The following ANKLE2 variants were observed in gnomAD, a reference collection of about 807,000 sequenced individuals.
ANKLE2 encodes ankyrin repeat and LEM domain-containing protein 2.
A neutral mutation model predicts 84.2 loss-of-function variants in ANKLE2; 55 were observed. The observed-to-expected ratio is 0.65, with a 90% CI of 0.53 to 0.82. The LOEUF is 0.82. Among genes scored for constraint, ANKLE2 ranks in the 40% least tolerant of loss-of-function variants. The pLI is 0.00. For synonymous variants in ANKLE2, 551 were observed against 486.1 expected (o/e 1.13, Z -1.76); for missense variants, 1,238 against 1,201.9 (o/e 1.03, Z -0.44).
At chr12:132,732,671 C>T (rs112664444) in intron 10 of ANKLE2, among the ~76,000 whole-genome samples, 12 of 96,712 alleles carry the variant, frequency 1.2e-4, no homozygotes, top group African/African-American at 1.1e-4. Flanking sequence ...TGATACGCAC[C>T]GTGTGAAGCT....
At chr12:132,750,436 G>A (rs1399204569) in intron 3 of ANKLE2, among the ~76,000 whole-genome samples, 1 of 152,040 alleles carries the variant, frequency 6.6e-6, no homozygotes, top group African/African-American at 2.4e-5. Context: ...ACAGATGGAA[G>A]CGGCCACAGC....
intron 10 of ANKLE2, chr12:132,730,567 A>G: frequency 2.6e-6 from 1 of 390,522 alleles, no homozygotes; most frequent in Non-Finnish European, 4.7e-6. Context: ...TCACGCCTGC[A>G]ATCCCAGCAC....
rs774240785 is a variant in ANKLE2 at position 132,727,280 on chromosome 12, G to A, written c.2779C>T (p.Arg927Cys). 58 of 1,566,872 alleles carry A rather than the reference G, an allele frequency of 3.7e-5. No individual in the cohort carries two copies. The East Asian group carries it at 6.2e-4, about 17-fold the overall frequency. The change falls in exon 13 of 13, where the codon CGC becomes TGC. Residue 927 changes from arginine (R) to cysteine (C), a missense_variant. This residue lies in a region of ANKLE2 where 802 missense variants were observed against 774.5 expected (regional missense o/e 1.04). Transcript: ENST00000357997. ...RYSPVHGSQL[R>C]RMARLAELAA... ...AGCTCAGCCAGGCGCGCCATCCTGC[G>A]GAGCTGGCTCCCGTGCACGGGGCTG... is the stretch of plus-strand genomic sequence containing the variant.
chr12:132,749,301 A>G (rs539219995), intron 3 of ANKLE2, among the ~76,000 whole-genome samples: 41 of 151,944 alleles, frequency 2.7e-4, no homozygotes, highest in Middle Eastern at 3.4e-3. Flanking sequence ...GATTACAGGC[A>G]CCTGCCACCA....
At chr12:132,736,581 C>T (rs773935004) in intron 8 of ANKLE2, among the ~76,000 whole-genome samples, 13 of 152,082 alleles carry the variant, frequency 8.5e-5, no homozygotes, top group Non-Finnish European at 1.2e-4. Context: ...GTGCCTAGGA[C>T]GGGCCATCAA....
rs576559658 is a variant in ANKLE2 at position 132,727,255 on chromosome 12, A to C, written c.2804T>G (p.Leu935Arg). The C allele has an allele frequency of 6.5e-5, 102 of 1,558,458 alleles. No individual in the cohort carries two copies. In the South Asian group the frequency reaches 1.1e-3, roughly 17 times the overall value. The change falls in exon 13 of 13, where the codon CTT (leucine) becomes CGT (arginine). Residue 935 changes from leucine to arginine, a missense_variant. By Grantham distance (102) the Leu-to-Arg change is moderately radical (BLOSUM62 -2). Coordinates refer to ENST00000357997, the MANE Select transcript of ANKLE2 (RefSeq NM_015114.3). ...QLRRMARLAE[L>R]AAL ...CCAGCGCCAAGCCTACAGGGCGGCAAGCTCAGCCAGGCGCGCCATCCTGCG... is the reference window on the plus strand; with the variant it reads ...CCAGCGCCAAGCCTACAGGGCGGCACGCTCAGCCAGGCGCGCCATCCTGCG...
rs2044632083 is a variant in ANKLE2, at chr12:132,761,771, C to T, written c.28G>A (p.Glu10Lys). 8.5e-7 allele frequency: 1 copy of T among 1,172,550 alleles called. No individual in the cohort carries two copies. Among genetic ancestry groups the T allele is most frequent in the Non-Finnish European group, 1.1e-6 (1 of 951,324 alleles). 72.6% of individuals were successfully genotyped at this position (1,172,550 alleles called of 1,614,324 possible). A position where few individuals can be genotyped will look rare whatever the true frequency, so the allele number is the denominator to read the frequency against. Residue 10 changes from glutamate to lysine, a missense_variant, in exon 1 of 13, where the codon GAG (glutamate) becomes AAG (lysine). Glu to Lys is a moderately conservative substitution (Grantham distance 56). Transcript: ENST00000357997. The stretch of plus-strand genomic sequence containing the variant: ...AGCTCCCAGGCCAGCGCCGCCCACT[C>T]GGCCGCCGCCAGCCGCGGCCACAGC... MLWPRLAAA[E>K]WAALAWELLG...
Position 132,748,219 on chromosome 12 carries a change from TCC to T in ANKLE2, c.958_959del (p.Gly320ArgfsTer7), listed in dbSNP as rs1203341024. 2.5e-6 allele frequency: 4 copies of T among 1,614,030 alleles called. No individual in the cohort carries two copies. Among genetic ancestry groups the T allele is most frequent in the Non-Finnish European group, 2.5e-6 (3 of 1,180,042 alleles). On this transcript the variant is annotated frameshift_variant, in exon 4 of 13. Coordinates refer to ENST00000357997, the MANE Select transcript of ANKLE2 (RefSeq NM_015114.3). LOFTEE classifies it high-confidence loss of function. ...TAAGGTCAGAAAAGGTGTCCTCCTC[TCC>T]CTTCTCCACAGCTTTCCGAAGCTTG... is the stretch of plus-strand genomic sequence containing the variant. The part of the protein sequence containing the change: ...TAKLRKAVEK[G>X]EEDTFSDLIW...
In ANKLE2 at chr12:132,754,746, G is replaced by A. The variant is rs373393599; in HGVS notation, c.569C>T (p.Ala190Val). 56 of 1,613,992 alleles carry A rather than the reference G, an allele frequency of 3.5e-5. No homozygotes were observed. The highest frequency in any genetic ancestry group is 4.1e-5 in the Non-Finnish European group (48 of 1,180,032). The change falls in exon 2 of 13, where the codon GCG (alanine) becomes GTG (valine). Residue 190 changes from alanine (A) to valine (V), a missense_variant. By Grantham distance (64) the Ala-to-Val change is moderately conservative. Coordinates refer to ENST00000357997, the MANE Select transcript of ANKLE2 (RefSeq NM_015114.3). Reference sequence around the variant, plus strand: ...CAGGGGCGGCTCCTTAGACGCAGTCGCTCCAGCTCTGTAGGTGTCGGTGTC... The same window carrying A: ...CAGGGGCGGCTCCTTAGACGCAGTCACTCCAGCTCTGTAGGTGTCGGTGTC... ...PSDTDTYRAGATASKEPPLYY... is the reference protein window; with the variant it reads ...PSDTDTYRAGVTASKEPPLYY...
At chr12:132,735,878 C>CA (rs1404100266) in intron 8 of ANKLE2, among the ~76,000 whole-genome samples, 1 of 152,242 alleles carries the variant, frequency 6.6e-6, no homozygotes, top group African/African-American at 2.4e-5. Context: ...AGATCTTTCT[C>CA]AGTCACTCTC....
At chr12:132,754,184 G>A (rs1422288306) in intron 2 of ANKLE2, among the ~76,000 whole-genome samples, 2 of 152,244 alleles carry the variant, frequency 1.3e-5, no homozygotes, top group Non-Finnish European at 1.5e-5. Flanking sequence ...AGAGGTTGCA[G>A]TGAGCTGAGA....
At chr12:132,746,416 A>G (rs567271953) in intron 5 of ANKLE2, among the ~76,000 whole-genome samples, 19 of 151,620 alleles carry the variant, frequency 1.3e-4, no homozygotes, top group African/African-American at 2.7e-4. Flanking sequence ...AGTCCTACGC[A>G]TAAGTGGCAT....
At chr12:132,732,934 C>T (rs2043913861) in intron 10 of ANKLE2, among the ~76,000 whole-genome samples, 1 of 144,050 alleles carries the variant, frequency 6.9e-6, no homozygotes, top group African/African-American at 2.8e-5. Flanking sequence ...GTCTGATATG[C>T]ACCGTGTGAA....
At chr12:132,740,086 T>G (rs756730694) in intron 7 of ANKLE2, among the ~76,000 whole-genome samples, 4 of 152,238 alleles carry the variant, frequency 2.6e-5, no homozygotes, top group Non-Finnish European at 4.4e-5. Context: ...ACAGTGTGGT[T>G]TGAAAATCCG....
At chr12:132,742,584 C>G (rs1294698269) in intron 6 of ANKLE2, 1 of 152,288 alleles carries the variant, frequency 6.6e-6, no homozygotes, top group Non-Finnish European at 1.5e-5. Flanking sequence ...CATGACGAGG[C>G]CTGACTGAAG....
intron 1 of ANKLE2, chr12:132,758,229 A>T (rs1208029401): frequency 6.6e-6 from 1 of 152,066 alleles, no homozygotes; most frequent in Admixed American, 6.6e-5. Flanking sequence ...GGCCAACATG[A>T]TGAAACCAGG....
intron 8 of ANKLE2, among the ~76,000 whole-genome samples, chr12:132,735,805 G>A (rs956686552): frequency 6.6e-6 from 1 of 152,202 alleles, no homozygotes; most frequent in African/African-American, 2.4e-5. Context: ...GAGGACAGTG[G>A]ACGGCTCGGA....
intron 1 of ANKLE2, 112 bp from the exon 2 acceptor site, chr12:132,755,245 T>A: frequency 1.8e-6 from 2 of 1,129,622 alleles, no homozygotes; most frequent in Non-Finnish European, 2.5e-6. Context: ...TTTCTTTCAT[T>A]AAAAACTTTT....
At chr12:132,741,890 T>G (rs1399592046) in intron 6 of ANKLE2, 1 of 459,658 alleles carries the variant, frequency 2.2e-6, no homozygotes, top group Admixed American at 2.4e-5. Context: ...AAGGTGGAGC[T>G]CCTAAGTAAC....
Sources: gnomAD v4.1 joint callset for allele counts (sites outside exome capture counted in the v4.1 genomes callset) on GRCh38, gnomAD v4.1.1 for gene constraint, gnomAD v4.1.1 regional missense constraint, MANE v1.5 for transcripts, NCBI Gene and HGNC (gene_info 2026-07-23, HGNC 2026-07-21) for gene names.